GATM: variants seen among roughly 807,000 people sequenced by gnomAD.
GATM encodes glycine amidinotransferase.
A neutral mutation model predicts 54.2 loss-of-function variants in GATM; 23 were observed. That is an observed-to-expected ratio of 0.42 (90% CI 0.31 to 0.60). The LOEUF (loss-of-function observed/expected upper bound fraction) is 0.60, where lower values mean the gene tolerates loss of function less well. GATM is among the 20% of genes least tolerant of loss of function. The pLI, the probability that GATM is intolerant of heterozygous loss-of-function variation, is 0.14. For missense variants in GATM, 401 were observed against 544.9 expected, an observed-to-expected ratio of 0.74 and a Z score of 2.63; for synonymous variants, 168 against 183.1, an observed-to-expected ratio of 0.92 and a Z score of 0.67.
At chr15:45,396,251 G>A (rs1889928675) in intron 3 of GATM, 1 of 152,120 alleles carries the variant, frequency 6.6e-6, no homozygotes, top group Non-Finnish European at 1.5e-5. Flanking sequence ...CAGTCCCCAA[G>A]ATCTGATCTT....
Position 45,378,404 on chromosome 15 carries a change from A to G in GATM, c.50T>C (p.Val17Ala). The G allele has an allele frequency of 6.6e-7, 1 of 1,508,264 alleles. No individual in the cohort carries two copies. The highest frequency in any genetic ancestry group is 8.8e-7 in the Non-Finnish European group (1 of 1,135,038). The allele number at this position is 1,508,264 out of a possible 1,614,324, so 93.4% of individuals were successfully genotyped here. Reference sequence around the variant, plus strand: ...ACGCACCCGAGATCCGATGTAGTGCACCGCCTCGGCGCCGCGGCTCCCGCC... The same window carrying G: ...ACGCACCCGAGATCCGATGTAGTGCGCCGCCTCGGCGCCGCGGCTCCCGCC... ...LRGGSRGAEA[V>A]HYIGSRLGRT... The change falls in exon 1 of 9, where the codon GTG becomes GCG. Residue 17 changes from valine (V) to alanine (A), a missense_variant. Coordinates refer to ENST00000396659, the MANE Select transcript of GATM (RefSeq NM_001482.3).
intron 3 of GATM, among the ~76,000 whole-genome samples, chr15:45,393,971 A>C (rs1889899554): frequency 1.3e-5 from 2 of 152,236 alleles, no homozygotes; most frequent in Admixed American, 1.3e-4. Flanking sequence ...ACAGCAAGCC[A>C]GTAGCAATGC....
intron 1 of GATM, among the ~76,000 whole-genome samples, chr15:45,401,697 T>C (rs1211775132): frequency 1.3e-5 from 2 of 152,224 alleles, no homozygotes; most frequent in African/African-American, 2.4e-5. Flanking sequence ...GATTAACTTG[T>C]TGCCAAAGAA....
At chr15:45,387,350 T>C (rs1889814975) in intron 3 of GATM, among the ~76,000 whole-genome samples, 1 of 152,214 alleles carries the variant, frequency 6.6e-6, no homozygotes, top group African/African-American at 2.4e-5. Flanking sequence ...TTCCCAGATA[T>C]TTACAAACAG....
In GATM at chr15:45,366,190, A is replaced by C; in HGVS notation, c.834T>G (p.Ile278Met). ...GAGCAAGATGCCTACGCATCCATTC[A>C]ATGCCTAGGTAGTTTGTAACCTGAA... The part of the protein sequence containing the change: ...QRSQVTNYLG[I>M]EWMRRHLAPD... Residue 278 changes from isoleucine to methionine, a missense_variant, in exon 6 of 9, where the codon ATT becomes ATG. This residue lies in a region of GATM where 321 missense variants were observed against 457.5 expected (regional missense o/e 0.70). Coordinates refer to ENST00000396659, the MANE Select transcript of GATM (RefSeq NM_001482.3). The C allele has an allele frequency of 3.1e-6, 5 of 1,614,100 alleles. No individual in the cohort carries two copies. The highest frequency in any genetic ancestry group is 4.2e-6 in the Non-Finnish European group (5 of 1,179,942).
At chr15:45,380,959 CTCT>C (rs755249793), upstream of GATM, among the ~76,000 whole-genome samples, 1 of 151,974 alleles carries the variant, frequency 6.6e-6, no homozygotes, top group Non-Finnish European at 1.5e-5. Context: ...TTTTTTCATT[CTCT>C]TCTATGTTCT....
At position 45,367,511 on chromosome 15, in the gene GATM, T is replaced by C. The variant is rs142520290; in HGVS notation, c.675+559A>G. Among the ~76,000 whole-genome samples, 1,424 of 152,334 alleles carry C rather than the reference T, an allele frequency of 9.3e-3. 9 individuals are homozygous for C. Among genetic ancestry groups the C allele is most frequent in the South Asian group, 0.021 (101 of 4,830 alleles). ...GCCATGTTTCCCCTGCCAAATTTGATTGGGAGTGGCAAAACTAATTCATTA... is the reference window on the plus strand; with the variant it reads ...GCCATGTTTCCCCTGCCAAATTTGACTGGGAGTGGCAAAACTAATTCATTA... On this transcript the variant is annotated intron_variant, in intron 4 of 8. Coordinates refer to ENST00000396659, the MANE Select transcript of GATM (RefSeq NM_001482.3).
chr15:45,370,657 G>T (rs1026024618), intron 2 of GATM, among the ~76,000 whole-genome samples: 6 of 152,188 alleles, frequency 3.9e-5, no homozygotes, highest in Non-Finnish European at 8.8e-5. Context: ...AGGGCTATGT[G>T]TATTTTAGAA....
chr15:45,373,813 C>G (rs1028942944), intron 2 of GATM, among the ~76,000 whole-genome samples: 32 of 152,138 alleles, frequency 2.1e-4, no homozygotes, highest in African/African-American at 7.7e-4. Context: ...TCTTCTCCCT[C>G]AAAACCAGGC....
intron 3 of GATM, among the ~76,000 whole-genome samples, chr15:45,391,739 G>A (rs1038826292): frequency 3.3e-5 from 5 of 152,208 alleles, no homozygotes; most frequent in Admixed American, 6.5e-5. Flanking sequence ...TTATATTAGA[G>A]TTGGTGTTAG....
chr15:45,389,146 A>G (rs1157403779), intron 3 of GATM, among the ~76,000 whole-genome samples: 1 of 152,258 alleles, frequency 6.6e-6, no homozygotes, highest in African/African-American at 2.4e-5. Flanking sequence ...CAGACAACTG[A>G]AGCTTTTTCC....
upstream of GATM, among the ~76,000 whole-genome samples, chr15:45,382,466 A>T (rs1889752661): frequency 6.6e-6 from 1 of 152,178 alleles, no homozygotes; most frequent in South Asian, 2.1e-4. Flanking sequence ...GTTTGAGACC[A>T]GCCTGGCAAA....
At position 45,366,445 on chromosome 15, in the gene GATM, T is replaced by C; in HGVS notation, c.739A>G (p.Thr247Ala). ...GCATCAAAGCATGGCTCAAACTCAG[T>C]TGTCACAAATTTTCCCTGAGCAGCC... ...KLAAQGKFVT[T>A]EFEPCFDAAD... The change falls in exon 5 of 9, where the codon ACT becomes GCT. Residue 247 changes from threonine to alanine, a missense_variant. Transcript: ENST00000396659. The C allele has an allele frequency of 6.2e-7, 1 of 1,614,144 alleles. No individual in the cohort carries two copies. Among genetic ancestry groups the C allele is most frequent in the Non-Finnish European group, 8.5e-7 (1 of 1,180,014 alleles).
At chr15:45,401,209 A>T (rs556513571) in intron 1 of GATM, among the ~76,000 whole-genome samples, 102 of 152,296 alleles carry the variant, frequency 6.7e-4, no homozygotes, top group Middle Eastern at 3.4e-3. Context: ...TCTGCCATGA[A>T]GTTTGGACAG....
intron 2 of GATM, among the ~76,000 whole-genome samples, chr15:45,371,398 T>C (rs192925759): frequency 6.6e-5 from 10 of 152,372 alleles, no homozygotes; most frequent in Admixed American, 3.3e-4. Flanking sequence ...ATTTATATAA[T>C]TGATGAACTG....
chr15:45,400,237 T>A (rs1889983975), intron 1 of GATM, among the ~76,000 whole-genome samples: 1 of 152,104 alleles, frequency 6.6e-6, no homozygotes, highest in Admixed American at 6.5e-5. Flanking sequence ...AATAAAATTT[T>A]AAAAATAAAA....
chr15:45,385,217 T>G (rs1231596222), intron 3 of GATM, among the ~76,000 whole-genome samples: 2 of 152,210 alleles, frequency 1.3e-5, no homozygotes, highest in Non-Finnish European at 2.9e-5. Context: ...TTGGGGCACC[T>G]TAGTGGTAAG....
intron 3 of GATM, among the ~76,000 whole-genome samples, chr15:45,384,172 C>T (rs1196530158): frequency 1.3e-5 from 2 of 152,244 alleles, no homozygotes; most frequent in East Asian, 1.9e-4. Flanking sequence ...AGGGTGCATA[C>T]ATGTAGTCCA....
At chr15:45,394,844 G>A (rs986540578) in intron 3 of GATM, among the ~76,000 whole-genome samples, 2 of 152,132 alleles carry the variant, frequency 1.3e-5, no homozygotes, top group Non-Finnish European at 2.9e-5. Flanking sequence ...TTCAGAACAC[G>A]TATCTTCATC....
Sources: gnomAD v4.1 joint callset for allele counts (sites outside exome capture counted in the v4.1 genomes callset) on GRCh38, gnomAD v4.1.1 for gene constraint, gnomAD v4.1.1 regional missense constraint, MANE v1.5 for transcripts, NCBI Gene and HGNC (gene_info 2026-07-23, HGNC 2026-07-21) for gene names.